Variants in KIF13B observed in about 807,000 individuals in gnomAD.
KIF13B encodes kinesin-like protein KIF13B.
A neutral mutation model predicts 222.0 loss-of-function variants in KIF13B; 127 were observed. That is an observed-to-expected ratio of 0.57 (90% CI 0.50 to 0.66). The LOEUF is 0.66. KIF13B is among the 30% of genes least tolerant of loss of function. KIF13B has a pLI of 0.00. For missense variants in KIF13B, 2,173 were observed against 2,379.0 expected, an observed-to-expected ratio of 0.91 and a Z score of 1.80; for synonymous variants, 976 against 919.0, an observed-to-expected ratio of 1.06 and a Z score of -1.12.
At chr8:29,105,356 C>A (rs900129639) in intron 35 of KIF13B, among the ~76,000 whole-genome samples, 1 of 152,174 alleles carries the variant, frequency 6.6e-6, no homozygotes, top group African/African-American at 2.4e-5. Flanking sequence ...TCACACAGAT[C>A]CTTCTGCTCA....
intron 14 of KIF13B, 75 bp from the exon 15 acceptor site, chr8:29,150,458 G>C (rs945613196): frequency 2.8e-5 from 20 of 712,016 alleles, no homozygotes; most frequent in African/African-American, 1.2e-4. Context: ...CAATAACATA[G>C]AGATATAGTT....
chr8:29,178,130 T>C (rs963422882), intron 8 of KIF13B, among the ~76,000 whole-genome samples: 1 of 152,136 alleles, frequency 6.6e-6, no homozygotes, highest in Non-Finnish European at 1.5e-5. Context: ...GCCTCCAAAA[T>C]GGGCCATTTT....
intron 35 of KIF13B, among the ~76,000 whole-genome samples, chr8:29,102,752 C>T (rs764083417): frequency 6.6e-6 from 1 of 152,178 alleles, no homozygotes; most frequent in African/African-American, 2.4e-5. Context: ...GCATCTCCTC[C>T]CAGGGCTGCG....
At chr8:29,121,958 A>C (rs1409636319) in intron 29 of KIF13B, among the ~76,000 whole-genome samples, 1 of 152,172 alleles carries the variant, frequency 6.6e-6, no homozygotes, top group African/African-American at 2.4e-5. Flanking sequence ...GTCTTTCCCC[A>C]AGAGTTAAAG....
intron 14 of KIF13B, among the ~76,000 whole-genome samples, chr8:29,154,731 C>T (rs1241125403): frequency 6.6e-6 from 1 of 152,106 alleles, no homozygotes; most frequent in Non-Finnish European, 1.5e-5. Flanking sequence ...GCATCCTGGT[C>T]TTGGAGAACC....
intron 10 of KIF13B, 52 bp downstream of exon 10, chr8:29,176,016 C>A: frequency 9.4e-7 from 1 of 1,065,202 alleles, no homozygotes; most frequent in East Asian, 2.4e-5. Context: ...TTTTTTCTTC[C>A]TTCTTGCCAA....
rs143602672 is a variant in KIF13B, at chr8:29,070,148, C to T, written c.*356G>A. 1.3e-3 allele frequency: 419 copies of T among 310,424 alleles called. 2 individuals are homozygous for T. Among genetic ancestry groups the T allele is most frequent in the African/African-American group, 8.9e-3 (390 of 43,948 alleles). 19.2% of individuals were successfully genotyped at this position (310,424 alleles called of 1,614,324 possible). On this transcript the variant is annotated 3_prime_UTR_variant, in exon 40 of 40. Coordinates refer to ENST00000524189, the MANE Select transcript of KIF13B (RefSeq NM_015254.4). The surrounding 1 kb of genome is among the most constrained non-coding windows in gnomAD (Gnocchi z 4.1). ...GTTTAGGTTAAGACATTAGTGGGGCCACCAGAATGGAAATGATAGAAAGAG... is the reference window on the plus strand; with the variant it reads ...GTTTAGGTTAAGACATTAGTGGGGCTACCAGAATGGAAATGATAGAAAGAG...
At chr8:29,091,629 G>A (rs1048497489) in intron 37 of KIF13B, among the ~76,000 whole-genome samples, 1 of 152,214 alleles carries the variant, frequency 6.6e-6, no homozygotes, top group African/African-American at 2.4e-5. Context: ...TGATGCAGAA[G>A]TTTAGAACTG....
rs527276023 is a variant in KIF13B, at chr8:29,220,838, G to A, written c.149+24508C>T. Among the ~76,000 whole-genome samples, 302 of 152,264 alleles carry A rather than the reference G, an allele frequency of 2.0e-3. 3 individuals are homozygous for A. The highest frequency in any genetic ancestry group is 7.1e-3 in the African/African-American group (296 of 41,558). Reference sequence around the variant, plus strand: ...AGAAATATGAGTATCAATACGTTATGTAAAAACATCCCAGAAAATCTCAGT... The same window carrying A: ...AGAAATATGAGTATCAATACGTTATATAAAAACATCCCAGAAAATCTCAGT... On this transcript the variant is annotated intron_variant, in intron 2 of 39. Coordinates refer to ENST00000524189, the MANE Select transcript of KIF13B (RefSeq NM_015254.4).
chr8:29,098,284 G>A (rs1808631557), intron 36 of KIF13B, among the ~76,000 whole-genome samples: 1 of 150,312 alleles, frequency 6.7e-6, no homozygotes, highest in Non-Finnish European at 1.5e-5. Context: ...CTCAAAAGGA[G>A]ACACAAAGAT....
intron 2 of KIF13B, among the ~76,000 whole-genome samples, chr8:29,211,551 G>T (rs1448005564): frequency 6.6e-6 from 1 of 152,246 alleles, no homozygotes; most frequent in Non-Finnish European, 1.5e-5. Context: ...AATGCAGAGG[G>T]AGAACTCCAG....
intron 37 of KIF13B, 51 bp downstream of exon 37, chr8:29,092,694 G>T: frequency 6.4e-7 from 1 of 1,555,260 alleles, no homozygotes; most frequent in South Asian, 1.2e-5. Context: ...GCAACACAGA[G>T]CACCGCTTTA....
chr8:29,151,480 T>C (rs1310392579), intron 14 of KIF13B, among the ~76,000 whole-genome samples: 1 of 152,238 alleles, frequency 6.6e-6, no homozygotes, highest in African/African-American at 2.4e-5. Context: ...AAAGCTTCAA[T>C]GGCAGGCTGA....
intron 31 of KIF13B, among the ~76,000 whole-genome samples, chr8:29,114,312 A>T (rs1265511172): frequency 6.6e-6 from 1 of 152,246 alleles, no homozygotes; most frequent in Non-Finnish European, 1.5e-5. Flanking sequence ...GGTCTTAGAC[A>T]TACATCATTT....
intron 26 of KIF13B, 90 bp downstream of exon 26, chr8:29,126,392 C>G (rs1280152810): frequency 1.2e-6 from 1 of 861,878 alleles, no homozygotes; most frequent in Non-Finnish European, 1.9e-6. Context: ...TTGTTTAATC[C>G]TTAAATAACA....
At chr8:29,074,441 A>T (rs898940637) in intron 38 of KIF13B, among the ~76,000 whole-genome samples, 1 of 152,252 alleles carries the variant, frequency 6.6e-6, no homozygotes, top group African/African-American at 2.4e-5. Context: ...CCCAGATGCC[A>T]TCTATGGATT....
chr8:29,070,566 C>T lies in KIF13B; in HGVS notation c.5419G>A (p.Ala1807Thr), dbSNP rs375105823. Residue 1807 changes from alanine (A) to threonine (T), a missense_variant, in exon 40 of 40, where the codon GCC becomes ACC. Coordinates refer to ENST00000524189, the MANE Select transcript of KIF13B (RefSeq NM_015254.4). The surrounding 1 kb of genome is among the most constrained non-coding windows in gnomAD (Gnocchi z 4.1). ...SATNLASLTA[A>T]LAKADRSHKN... ...TGGCTCCTGTCGGCCTTGGCCAGGG[C>T]AGCTGTCAGCGAGGCCAGGTTGGTG... The T allele has an allele frequency of 2.7e-5, 44 of 1,606,492 alleles. No individual in the cohort carries two copies. In the African/African-American group the frequency reaches 4.1e-4, roughly 15 times the overall value.
rs56731650 is a variant in KIF13B, at chr8:29,190,623, G to A, written c.223+374C>T. 14 of 206,138 alleles carry A rather than the reference G, an allele frequency of 6.8e-5. No individual in the cohort carries two copies. The East Asian group carries it at 1.4e-3, about 21-fold the overall frequency. The allele number at this position is 206,138 out of a possible 1,614,324, so 12.8% of individuals were successfully genotyped here. ...CTCTAGGAAATTAATCAAACCCAAA[G>A]AGGAGGTTGTGGGAACCCTAATTGG... On this transcript the variant is annotated intron_variant, in intron 4 of 39. Transcript: ENST00000524189.
chr8:29,126,389 A>G (rs1353848685), intron 26 of KIF13B, 93 bp downstream of exon 26: 2 of 832,000 alleles, frequency 2.4e-6, no homozygotes, highest in Non-Finnish European at 3.9e-6. Context: ...GAATTGTTTA[A>G]TCCTTAAATA....
Sources: gnomAD v4.1 joint callset for allele counts (sites outside exome capture counted in the v4.1 genomes callset) on GRCh38, gnomAD v4.1.1 for gene constraint, Gnocchi (gnomAD v3.1) non-coding constraint, MANE v1.5 for transcripts, NCBI Gene and HGNC (gene_info 2026-07-23, HGNC 2026-07-21) for gene names.